LARP1B: variants seen among roughly 807,000 people sequenced by gnomAD.
LARP1B encodes the protein la-related protein 1B.
A neutral mutation model predicts 114.2 loss-of-function variants in LARP1B; 76 were observed. That is an observed-to-expected ratio of 0.67 (90% CI 0.55 to 0.81). The LOEUF (loss-of-function observed/expected upper bound fraction) is 0.81. Ranked by LOEUF, LARP1B falls within the 30% of genes least tolerant of loss-of-function variation. LARP1B has a pLI of 0.00. For synonymous variants in LARP1B, 345 were observed against 348.0 expected (o/e 0.99, Z 0.10); for missense variants, 1,014 against 1,075.8 (o/e 0.94, Z 0.80).
At position 128,080,013 on chromosome 4, in the gene LARP1B, T is replaced by G. The variant is rs913401142; in HGVS notation, c.217+2051T>G. Among the ~76,000 whole-genome samples, 16 of 151,796 alleles carry G rather than the reference T, an allele frequency of 1.1e-4. 1 individual carries two copies. Among genetic ancestry groups the G allele is most frequent in the Admixed American group, 7.9e-4 (12 of 15,226 alleles). On this transcript the variant is annotated intron_variant, in intron 4 of 19. Coordinates refer to ENST00000326639, the MANE Select transcript of LARP1B (RefSeq NM_018078.4). ...TTTTTTTTTTTTTTGAGATGGAGTT[T>G]CGCTCTTGTTGCCACGCTGGAGTGC...
chr4:128,117,488 C>T (rs530263664), intron 10 of LARP1B, among the ~76,000 whole-genome samples: 20 of 151,964 alleles, frequency 1.3e-4, no homozygotes, highest in Non-Finnish European at 2.6e-4. Flanking sequence ...CGGGTTCAAG[C>T]GATTCTCCTG....
At chr4:128,188,076 A>AT (rs111868788) in intron 15 of LARP1B, among the ~76,000 whole-genome samples, 4,286 of 142,088 alleles carry the variant, frequency 0.03, 87 homozygotes, top group East Asian at 0.12. Context: ...AGTCTCGGGT[A>AT]TTTTTTTTTT....
chr4:128,086,252 T>C (rs979138790), intron 5 of LARP1B, among the ~76,000 whole-genome samples: 8 of 152,048 alleles, frequency 5.3e-5, no homozygotes, highest in African/African-American at 1.7e-4. Flanking sequence ...TGATCCACCC[T>C]CTTTGGCCTC....
At chr4:128,130,208 G>A in intron 11 of LARP1B, among the ~76,000 whole-genome samples, 1 of 152,194 alleles carries the variant, frequency 6.6e-6, no homozygotes, top group East Asian at 1.9e-4. Context: ...TTTAAAAAAG[G>A]AGAGAAGCCA....
chr4:128,180,987 AC>A (rs1259399538), intron 15 of LARP1B, among the ~76,000 whole-genome samples: 1 of 151,850 alleles, frequency 6.6e-6, no homozygotes, highest in African/African-American at 2.4e-5. Context: ...ATCTTTTTCT[AC>A]CTTTTTACTT....
chr4:128,210,768 T>C lies in LARP1B; in HGVS notation c.*715T>C. On this transcript the variant is annotated 3_prime_UTR_variant, in exon 20 of 20. Transcript: ENST00000326639. ...TTGTATTGGTGTGGAGTTTTCTGAA[T>C]TGGCTATAAGCTGATTACATATTAG... The C allele has an allele frequency of 1.0e-6, 1 of 985,122 alleles. No homozygotes were observed. Among genetic ancestry groups the C allele is most frequent in the South Asian group, 4.7e-5 (1 of 21,288 alleles). The allele number at this position is 985,122 out of a possible 1,614,324, so 61.0% of individuals were successfully genotyped here.
chr4:128,124,955 C>CCTCTGCAAAAA (rs1789088751), intron 11 of LARP1B, among the ~76,000 whole-genome samples: 1 of 152,084 alleles, frequency 6.6e-6, no homozygotes, highest in Admixed American at 6.6e-5. Context: ...TCATTTTTGA[C>CCTCTGCAAAAA]CTCTGCAAAA....
At chr4:128,069,895 T>TGA (rs1378610441) in intron 1 of LARP1B, among the ~76,000 whole-genome samples, 1 of 152,196 alleles carries the variant, frequency 6.6e-6, no homozygotes, top group African/African-American at 2.4e-5. Flanking sequence ...TTCTCCTGTT[T>TGA]GGTTCCTAGA....
chr4:128,066,930 T>A (rs1203159327), intron 1 of LARP1B, among the ~76,000 whole-genome samples: 2 of 151,542 alleles, frequency 1.3e-5, no homozygotes, highest in African/African-American at 4.9e-5. Context: ...CCTGAGTAGC[T>A]GGGACTACAG....
At chr4:128,075,104 A>AT (rs938134184) in intron 3 of LARP1B, 111 bp downstream of exon 3, 64 of 724,194 alleles carry the variant, frequency 8.8e-5, no homozygotes, top group Admixed American at 1.9e-4. Context: ...TGGGGGACAG[A>AT]TTTTTTTTAT....
At chr4:128,152,238 T>G (rs1391407818) in intron 11 of LARP1B, among the ~76,000 whole-genome samples, 1 of 147,940 alleles carries the variant, frequency 6.8e-6, no homozygotes, top group East Asian at 2.0e-4. Flanking sequence ...GGACTCTCGC[T>G]CTGTCCCCAG....
Position 128,188,322 on chromosome 4 carries a change from G to A in LARP1B, c.2003+8810G>A, listed in dbSNP as rs529507613. Among the ~76,000 whole-genome samples the A allele has an allele frequency of 8.9e-4, 135 of 152,192 alleles. No individual in the cohort carries two copies. The Middle Eastern group carries it at 0.01, about 12-fold the overall frequency. Reference sequence around the variant, plus strand: ...ACTCCCAACCTCAGGTCATCCGCCCGCCTTGGTCTCCCAAAGTGCTGGGAT... The same window carrying A: ...ACTCCCAACCTCAGGTCATCCGCCCACCTTGGTCTCCCAAAGTGCTGGGAT... On this transcript the variant is annotated intron_variant, in intron 15 of 19. Coordinates refer to ENST00000326639, the MANE Select transcript of LARP1B (RefSeq NM_018078.4).
chr4:128,072,753 C>T (rs529521420), intron 1 of LARP1B, among the ~76,000 whole-genome samples: 12 of 151,826 alleles, frequency 7.9e-5, no homozygotes, highest in South Asian at 6.2e-4. Context: ...GATGGGGTTT[C>T]GTCATTTTGG....
At chr4:128,147,396 C>G (rs1319978918) in intron 11 of LARP1B, among the ~76,000 whole-genome samples, 1 of 152,214 alleles carries the variant, frequency 6.6e-6, no homozygotes, top group East Asian at 1.9e-4. Context: ...TTGATGCATG[C>G]AAGAGTTTTG....
intron 9 of LARP1B, among the ~76,000 whole-genome samples, chr4:128,109,094 C>A (rs1783089787): frequency 6.6e-6 from 1 of 152,034 alleles, no homozygotes; most frequent in African/African-American, 2.4e-5. Flanking sequence ...CACATTAGGT[C>A]ATAGGAATAA....
chr4:128,097,199 C>T (rs2149665766), intron 7 of LARP1B, among the ~76,000 whole-genome samples: 1 of 152,118 alleles, frequency 6.6e-6, no homozygotes, highest in African/African-American at 2.4e-5. Context: ...CACCGGGCCA[C>T]CCTTAATGTC....
At chr4:128,108,280 C>T (rs528830981) in intron 9 of LARP1B, 1 of 1,049,912 alleles carries the variant, frequency 9.5e-7, no homozygotes, top group Admixed American at 5.4e-5. Flanking sequence ...ATGAATAAAG[C>T]AGAAAAAGAG....
chr4:128,075,834 A>G (rs2094950085), intron 3 of LARP1B, among the ~76,000 whole-genome samples: 1 of 152,180 alleles, frequency 6.6e-6, no homozygotes, highest in South Asian at 2.1e-4. Context: ...GGCGTTAGCC[A>G]CCATACCTCG....
At chr4:128,146,552 G>A (rs1730433045) in intron 11 of LARP1B, among the ~76,000 whole-genome samples, 1 of 152,098 alleles carries the variant, frequency 6.6e-6, no homozygotes, top group South Asian at 2.1e-4. Flanking sequence ...ATATTGCATA[G>A]GGAAACTTTC....
Sources: gnomAD v4.1 joint callset for allele counts (sites outside exome capture counted in the v4.1 genomes callset) on GRCh38, gnomAD v4.1.1 for gene constraint, MANE v1.5 for transcripts, NCBI Gene and HGNC (gene_info 2026-07-23, HGNC 2026-07-21) for gene names.